The following PPP2R2C variants were observed in gnomAD, a reference collection of about 807,000 sequenced individuals.
PPP2R2C encodes the protein protein phosphatase 2 regulatory subunit Bgamma, also known as protein phosphatase 2, regulatory subunit B, gamma.
In PPP2R2C, 10 loss-of-function variants were observed where a neutral mutation model predicts 45.3. The observed-to-expected ratio is 0.22, with a 90% CI of 0.14 to 0.37. The LOEUF is 0.37. PPP2R2C is among the 10% of genes least tolerant of loss of function. PPP2R2C has a pLI of 1.00. For synonymous variants in PPP2R2C, 257 were observed against 245.4 expected, an observed-to-expected ratio of 1.05 and a Z score of -0.44; for missense variants, 308 against 619.7, an observed-to-expected ratio of 0.50 and a Z score of 5.34.
At chr4:6,533,677 G>C (rs1293383956) in intron 2 of PPP2R2C, among the ~76,000 whole-genome samples, 1 of 152,204 alleles carries the variant, frequency 6.6e-6, no homozygotes, top group Non-Finnish European at 1.5e-5. Flanking sequence ...ACTCTCTGAA[G>C]ATGTTGTTTG....
At position 6,518,321 on chromosome 4, in the gene PPP2R2C, T is replaced by G. The variant is rs145835605; in HGVS notation, c.49+16950A>C. 1.3e-4 allele frequency among the ~76,000 whole-genome samples: 19 copies of G among 151,828 alleles called. 1 individual carries two copies. The highest frequency in any genetic ancestry group is 4.6e-4 in the African/African-American group (19 of 41,420). On this transcript the variant is annotated intron_variant, in intron 2 of 9. Coordinates refer to the PPP2R2C transcript ENST00000506140. ...AAATTAGAGCATAAATAAATAAAAT[T>G]GAAAACAAGAAATCAACAGAGAAAA...
At chr4:6,449,352 T>C (rs1203107037) in intron 1 of PPP2R2C, among the ~76,000 whole-genome samples, 1 of 152,236 alleles carries the variant, frequency 6.6e-6, no homozygotes, top group African/African-American at 2.4e-5. Flanking sequence ...CGTCTCTAAG[T>C]GCCCATTCCG....
rs1264541542 is a variant in PPP2R2C at position 6,331,024 on chromosome 4, T to C, written c.961-1671A>G. ...TCTCTCTGGGTCCAGGGTCTAGCAC[T>C]GTGTTGGGCACAGGGTACTGGCTCA... On this transcript the variant is annotated intron_variant, in intron 7 of 8. Transcript: ENST00000382599. This position sits in a 1 kb window ranked among gnomAD's most constrained non-coding sequence, Gnocchi z 5.9. Among the ~76,000 whole-genome samples, 2 of 152,176 alleles carry C rather than the reference T, an allele frequency of 1.3e-5. No individual in the cohort carries two copies. Among genetic ancestry groups the C allele is most frequent in the Non-Finnish European group, 2.9e-5 (2 of 68,028 alleles).
At chr4:6,325,128 TGGGTCC>T (rs1731840022) in intron 8 of PPP2R2C, among the ~76,000 whole-genome samples, 1 of 152,200 alleles carries the variant, frequency 6.6e-6, no homozygotes, top group African/African-American at 2.4e-5. Context: ...CCAGTCCGCC[TGGGTCC>T]GGATCCCAGC....
At chr4:6,545,305 C>T (rs916812886) in intron 1 of PPP2R2C, among the ~76,000 whole-genome samples, 2 of 152,174 alleles carry the variant, frequency 1.3e-5, no homozygotes, top group Non-Finnish European at 1.5e-5. Flanking sequence ...ATCATAGTAG[C>T]AGTGGAGCTC....
chr4:6,377,452 T>G (rs770159310), intron 3 of PPP2R2C, among the ~76,000 whole-genome samples: 3 of 151,768 alleles, frequency 2.0e-5, no homozygotes, highest in Non-Finnish European at 4.4e-5. Flanking sequence ...GGTCAGGAGT[T>G]CGAGATCAAC....
intron 1 of PPP2R2C, among the ~76,000 whole-genome samples, chr4:6,538,626 A>T (rs923469851): frequency 6.6e-6 from 1 of 152,198 alleles, no homozygotes; most frequent in Non-Finnish European, 1.5e-5. Context: ...CAAGTCATCC[A>T]CCGTGGCAGC....
chr4:6,549,636 G>A (rs193048960), intron 1 of PPP2R2C, among the ~76,000 whole-genome samples: 12 of 152,306 alleles, frequency 7.9e-5, no homozygotes, highest in African/African-American at 2.6e-4. Context: ...GAGAGCAGTG[G>A]GCTCTGATGA....
chr4:6,338,014 G>T (rs1037538374), intron 6 of PPP2R2C, among the ~76,000 whole-genome samples: 8 of 151,644 alleles, frequency 5.3e-5, no homozygotes, highest in African/African-American at 1.9e-4. Flanking sequence ...CGCTGCCCCC[G>T]AGTACGCACG....
At chr4:6,523,927 T>C (rs1308819221) in intron 2 of PPP2R2C, among the ~76,000 whole-genome samples, 2 of 152,102 alleles carry the variant, frequency 1.3e-5, no homozygotes, top group Non-Finnish European at 2.9e-5. Context: ...TTGTTTTTGT[T>C]TTTTTGAGAC....
chr4:6,557,095 G>A (rs958956309), intron 1 of PPP2R2C, among the ~76,000 whole-genome samples: 1 of 152,152 alleles, frequency 6.6e-6, no homozygotes, highest in Non-Finnish European at 1.5e-5. Context: ...AGGATTCAAG[G>A]TACCAGCCTT....
chr4:6,479,931 T>G (rs560572145), intron 2 of PPP2R2C, among the ~76,000 whole-genome samples: 1 of 152,236 alleles, frequency 6.6e-6, no homozygotes, highest in Admixed American at 6.5e-5. Flanking sequence ...GGCCCGTCTC[T>G]AATTCCTGGA....
At chr4:6,381,467 C>T in intron 1 of PPP2R2C, 1 of 1,371,804 alleles carries the variant, frequency 7.3e-7, no homozygotes, top group Non-Finnish European at 9.5e-7. Context: ...CCCTGCCACC[C>T]AGGCCCCCAT....
intron 1 of PPP2R2C, among the ~76,000 whole-genome samples, chr4:6,434,612 G>A (rs973922762): frequency 1.3e-5 from 2 of 152,004 alleles, no homozygotes; most frequent in African/African-American, 2.4e-5. Flanking sequence ...GCCAATCTCG[G>A]CCTCCCAAAG....
chr4:6,457,895 TA>T (rs1305560867), intron 1 of PPP2R2C, among the ~76,000 whole-genome samples: 2 of 152,246 alleles, frequency 1.3e-5, no homozygotes, highest in Admixed American at 1.3e-4. Flanking sequence ...TCCAAGATTT[TA>T]TCCTTTGCAC....
At chr4:6,339,825 C>G (rs1186583297) in intron 6 of PPP2R2C, among the ~76,000 whole-genome samples, 1 of 152,202 alleles carries the variant, frequency 6.6e-6, no homozygotes, top group East Asian at 1.9e-4. Context: ...TGATGGGATA[C>G]AAGGCCATCC....
At chr4:6,482,715 C>T (rs1251269598) in intron 2 of PPP2R2C, among the ~76,000 whole-genome samples, 2 of 152,184 alleles carry the variant, frequency 1.3e-5, no homozygotes, top group Non-Finnish European at 2.9e-5. Context: ...TCCTTGCTGT[C>T]CTTAACCCAC....
chr4:6,384,079 A>G, intron 1 of PPP2R2C: 1 of 985,616 alleles, frequency 1.0e-6, no homozygotes, highest in South Asian at 4.7e-5. Flanking sequence ...CCCACCGGGC[A>G]TGGAGTCAGA....
chr4:6,442,736 G>A (rs2108735566), intron 1 of PPP2R2C, among the ~76,000 whole-genome samples: 1 of 152,330 alleles, frequency 6.6e-6, no homozygotes, highest in African/African-American at 2.4e-5. Context: ...TGAAGGAACT[G>A]AGGCATGGAG....
Sources: allele counts gnomAD v4.1 joint callset (sites outside exome capture counted in the v4.1 genomes callset), GRCh38; gene constraint gnomAD v4.1.1; non-coding constraint Gnocchi (gnomAD v3.1); transcripts MANE v1.5; gene names NCBI Gene and HGNC (gene_info 2026-07-23, HGNC 2026-07-21).